The following TSHZ2 variants were observed in gnomAD, a reference collection of about 807,000 sequenced individuals.
The protein encoded by TSHZ2 is teashirt homolog 2.
In TSHZ2, 21 loss-of-function variants were observed where a neutral mutation model predicts 74.4. That is an observed-to-expected ratio of 0.28 (90% CI 0.20 to 0.41). The LOEUF is 0.41. TSHZ2 is among the 10% of genes least tolerant of loss of function. The pLI is 1.00. For synonymous variants in TSHZ2, 540 were observed against 515.3 expected (o/e 1.05, Z -0.65); for missense variants, 1,244 against 1,293.5 (o/e 0.96, Z 0.59).
chr20:53,337,857 A>C (rs559078996), intron 2 of TSHZ2, among the ~76,000 whole-genome samples: 4 of 152,372 alleles, frequency 2.6e-5, no homozygotes, highest in African/African-American at 9.6e-5. Flanking sequence ...CCTTGGTACT[A>C]ATTGTACGCT....
rs1418209822 is a variant in TSHZ2 at position 53,074,346 on chromosome 20, T to C, written c.40+101013T>C. ...AGTCCTTTCTACTGGATTTTGAGTTTCCAGAGGGCTAGGACCAGGATTCAT... is the reference window on the plus strand; with the variant it reads ...AGTCCTTTCTACTGGATTTTGAGTTCCCAGAGGGCTAGGACCAGGATTCAT... On this transcript the variant is annotated intron_variant, in intron 1 of 2. Coordinates refer to ENST00000371497, the MANE Select transcript of TSHZ2 (RefSeq NM_173485.6). This position sits in a 1 kb window ranked among gnomAD's most constrained non-coding sequence, Gnocchi z 5.9. Among the ~76,000 whole-genome samples the C allele has an allele frequency of 6.6e-6, 1 of 152,240 alleles. No homozygotes were observed. Among genetic ancestry groups the C allele is most frequent in the Non-Finnish European group, 1.5e-5 (1 of 68,040 alleles).
chr20:53,229,224 T>TA (rs1198408534), intron 1 of TSHZ2, among the ~76,000 whole-genome samples: 1 of 120,904 alleles, frequency 8.3e-6, no homozygotes, highest in Non-Finnish European at 1.8e-5. Context: ...CTTCCATCAA[T>TA]TTTTTCTTCC....
intron 2 of TSHZ2, among the ~76,000 whole-genome samples, chr20:53,326,150 G>A (rs952917421): frequency 3.9e-5 from 6 of 152,202 alleles, no homozygotes; most frequent in Non-Finnish European, 8.8e-5. Flanking sequence ...TCGGCTTTAT[G>A]CTTTGAGAAT....
chr20:53,282,291 C>G lies in TSHZ2; in HGVS notation c.*8+25720C>G, dbSNP rs139064163. ...TGTCACTGATAAAATAATTAATTTACATAGCAATTCAAAATAGTGCAAATA... is the reference window on the plus strand; with the variant it reads ...TGTCACTGATAAAATAATTAATTTAGATAGCAATTCAAAATAGTGCAAATA... On this transcript the variant is annotated intron_variant, in intron 2 of 2. Transcript: ENST00000371497. 7.0e-3 allele frequency among the ~76,000 whole-genome samples: 1,062 copies of G among 152,312 alleles called. 19 individuals are homozygous for G. Among genetic ancestry groups the G allele is most frequent in the African/African-American group, 0.024 (1,008 of 41,564 alleles).
intron 1 of TSHZ2, among the ~76,000 whole-genome samples, chr20:53,126,811 A>T (rs1986959681): frequency 6.6e-6 from 1 of 151,412 alleles, no homozygotes. Context: ...GAGGATCTGA[A>T]CAAGGCTTTC....
chr20:53,080,254 T>C (rs1985490287), intron 1 of TSHZ2, among the ~76,000 whole-genome samples: 1 of 152,128 alleles, frequency 6.6e-6, no homozygotes, highest in South Asian at 2.1e-4. Flanking sequence ...AGTAACACCA[T>C]TTTTTCCTCC....
chr20:53,140,866 G>A (rs1248689084), intron 1 of TSHZ2, among the ~76,000 whole-genome samples: 3 of 152,162 alleles, frequency 2.0e-5, no homozygotes, highest in Admixed American at 2.0e-4. Context: ...GGTGAGTTGA[G>A]GGACGGTGTG....
intron 2 of TSHZ2, among the ~76,000 whole-genome samples, chr20:53,430,052 C>T (rs2145730401): frequency 6.6e-6 from 1 of 152,176 alleles, no homozygotes; most frequent in South Asian, 2.1e-4. Context: ...ATTGAAAAAC[C>T]CTACTATATA....
At chr20:53,111,722 C>T (rs1309975018) in intron 1 of TSHZ2, among the ~76,000 whole-genome samples, 1 of 152,180 alleles carries the variant, frequency 6.6e-6, no homozygotes, top group African/African-American at 2.4e-5. Flanking sequence ...ATTTCTCTAA[C>T]CCAAGGCCAA....
chr20:53,438,325 G>A (rs1984174337), intron 2 of TSHZ2, among the ~76,000 whole-genome samples: 3 of 151,940 alleles, frequency 2.0e-5, no homozygotes, highest in Non-Finnish European at 4.4e-5. Context: ...GGCCAGGCTG[G>A]TCTCCAACTC....
At chr20:53,417,510 T>G (rs1035772964) in intron 2 of TSHZ2, among the ~76,000 whole-genome samples, 2 of 152,200 alleles carry the variant, frequency 1.3e-5, no homozygotes, top group Non-Finnish European at 2.9e-5. Context: ...TTGGCCAGAC[T>G]GGTCTCCACC....
intron 1 of TSHZ2, among the ~76,000 whole-genome samples, chr20:53,186,039 T>C (rs1281323887): frequency 6.6e-6 from 1 of 152,202 alleles, no homozygotes; most frequent in East Asian, 1.9e-4. Flanking sequence ...ACGCTTCCAA[T>C]GTCTCTCCTT....
chr20:53,174,147 A>G (rs1309057737), intron 1 of TSHZ2, among the ~76,000 whole-genome samples: 1 of 152,176 alleles, frequency 6.6e-6, no homozygotes, highest in Non-Finnish European at 1.5e-5. Flanking sequence ...CGGTTTTAGC[A>G]TGGGAGAGAT....
chr20:53,142,162 A>G (rs1987416372), intron 1 of TSHZ2, among the ~76,000 whole-genome samples: 1 of 152,240 alleles, frequency 6.6e-6, no homozygotes, highest in Non-Finnish European at 1.5e-5. Flanking sequence ...GAAGAAAGAT[A>G]GTTAACTGGC....
intron 1 of TSHZ2, among the ~76,000 whole-genome samples, chr20:53,070,429 C>T (rs768782678): frequency 3.3e-5 from 5 of 152,144 alleles, no homozygotes; most frequent in Non-Finnish European, 2.9e-5. Context: ...CATTTATTTA[C>T]CTGCGCTTTC....
intron 1 of TSHZ2, among the ~76,000 whole-genome samples, chr20:53,010,068 C>T (rs1982794291): frequency 6.6e-6 from 1 of 152,130 alleles, no homozygotes; most frequent in East Asian, 1.9e-4. Flanking sequence ...CTCCCCTTCT[C>T]ACCTACCATT....
chr20:53,364,672 T>A (rs927373967), intron 2 of TSHZ2, among the ~76,000 whole-genome samples: 2 of 152,168 alleles, frequency 1.3e-5, no homozygotes. Flanking sequence ...TTGCTAGAGA[T>A]CCCAGTGGGA....
chr20:53,044,873 C>T (rs1479301971), intron 1 of TSHZ2, among the ~76,000 whole-genome samples: 1 of 152,104 alleles, frequency 6.6e-6, no homozygotes, highest in Non-Finnish European at 1.5e-5. Flanking sequence ...CCATGCCCGG[C>T]TAATTTTTTG....
chr20:53,015,114 G>A (rs1982987455), intron 1 of TSHZ2, among the ~76,000 whole-genome samples: 1 of 152,050 alleles, frequency 6.6e-6, no homozygotes, highest in Non-Finnish European at 1.5e-5. Flanking sequence ...ACACTTGCTG[G>A]TTTCCTGGTT....
Sources: gnomAD v4.1 joint callset for allele counts (sites outside exome capture counted in the v4.1 genomes callset) on GRCh38, gnomAD v4.1.1 for gene constraint, Gnocchi (gnomAD v3.1) non-coding constraint, MANE v1.5 for transcripts, NCBI Gene and HGNC (gene_info 2026-07-23, HGNC 2026-07-21) for gene names.